Variants in GRIP2 observed in about 807,000 individuals in gnomAD.
The protein encoded by GRIP2 is glutamate receptor interacting protein 2.
GRIP2 carries 58 observed loss-of-function variants against 108.3 expected under a neutral mutation model. The ratio of observed to expected loss-of-function variants is 0.54; its 90% CI spans 0.43 to 0.67. The LOEUF is 0.67. Ranked by LOEUF, GRIP2 falls within the 30% of genes least tolerant of loss-of-function variation. The probability of loss-of-function intolerance (pLI) is 0.00; values close to 1 mark genes in which losing one functional copy is unlikely to be tolerated. For missense variants in GRIP2, 1,278 were observed against 1,430.6 expected, an observed-to-expected ratio of 0.89 and a Z score of 1.72; for synonymous variants, 586 against 598.2, an observed-to-expected ratio of 0.98 and a Z score of 0.30.
upstream of GRIP2, among the ~76,000 whole-genome samples, chr3:14,544,411 C>T (rs963243542): frequency 7.2e-5 from 11 of 152,132 alleles, no homozygotes; most frequent in African/African-American, 1.2e-4. Context: ...GCCCATGCTG[C>T]GCAGATGGGA....
At chr3:14,496,382 G>T in intron 22 of GRIP2, 35 bp downstream of exon 22, 1 of 1,561,112 alleles carries the variant, frequency 6.4e-7, no homozygotes, top group Non-Finnish European at 8.7e-7. Flanking sequence ...CCAGAACACA[G>T]GTCCAGGTCT....
chr3:14,566,801 C>A, the GRIP2 span, among the ~76,000 whole-genome samples: 2 of 152,160 alleles, frequency 1.3e-5, no homozygotes, highest in Non-Finnish European at 2.9e-5. Context: ...GAGATGCAGT[C>A]ACATGGCCAC....
At chr3:14,577,698 C>T in the GRIP2 span, among the ~76,000 whole-genome samples, 1 of 152,214 alleles carries the variant, frequency 6.6e-6, no homozygotes, top group Non-Finnish European at 1.5e-5. Flanking sequence ...CAACAGATAA[C>T]ACCCCAGGCC....
the GRIP2 span, among the ~76,000 whole-genome samples, chr3:14,568,343 C>T: frequency 6.6e-6 from 1 of 152,092 alleles, no homozygotes; most frequent in Non-Finnish European, 1.5e-5. Context: ...GGCAGCCAGT[C>T]GTGGACATGT....
At chr3:14,596,147 G>A in the GRIP2 span, among the ~76,000 whole-genome samples, 1 of 152,234 alleles carries the variant, frequency 6.6e-6, no homozygotes. Context: ...GTGAAGAAGA[G>A]GATGGGAGAG....
chr3:14,509,326 T>C (rs1694018945), intron 17 of GRIP2, among the ~76,000 whole-genome samples: 1 of 152,142 alleles, frequency 6.6e-6, no homozygotes, highest in South Asian at 2.1e-4. Flanking sequence ...GGGGGTCGGG[T>C]TCCATCTCTG....
At chr3:14,581,515 A>G in the GRIP2 span, among the ~76,000 whole-genome samples, 1 of 152,246 alleles carries the variant, frequency 6.6e-6, no homozygotes, top group Admixed American at 6.5e-5. Context: ...TCTCCAGGCC[A>G]CAGTGACTGG....
At chr3:14,574,456 A>G in the GRIP2 span, 1 of 711,238 alleles carries the variant, frequency 1.4e-6, no homozygotes, top group Non-Finnish European at 2.5e-6. Flanking sequence ...CCTCGCTCCA[A>G]AGGCAGCATC....
intron 1 of GRIP2, among the ~76,000 whole-genome samples, chr3:14,530,584 C>A (rs1575021440): frequency 6.6e-6 from 1 of 152,172 alleles, no homozygotes; most frequent in Non-Finnish European, 1.5e-5. Context: ...ATACCACTCT[C>A]ATTAAATGTA....
the GRIP2 span, among the ~76,000 whole-genome samples, chr3:14,595,819 G>A: frequency 3.9e-5 from 6 of 152,236 alleles, no homozygotes; most frequent in African/African-American, 1.2e-4. Context: ...GGTGAGGGCC[G>A]GATGTGCACA....
the GRIP2 span, among the ~76,000 whole-genome samples, chr3:14,580,264 G>A: frequency 6.6e-6 from 1 of 152,202 alleles, no homozygotes; most frequent in Non-Finnish European, 1.5e-5. Flanking sequence ...CCTCTGCTAA[G>A]GCCCCATGGC....
At chr3:14,543,755 C>CGGGAGGGG, upstream of GRIP2, among the ~76,000 whole-genome samples, 1 of 152,308 alleles carries the variant, frequency 6.6e-6, no homozygotes, top group South Asian at 2.1e-4. Flanking sequence ...CTGAGCAGCC[C>CGGGAGGGG]AGGGGAGATG....
At chr3:14,556,592 G>A (rs762869461), upstream of GRIP2, among the ~76,000 whole-genome samples, 1 of 152,232 alleles carries the variant, frequency 6.6e-6, no homozygotes, top group Non-Finnish European at 1.5e-5. Context: ...GGCCACCAGA[G>A]TAGAACGAGG....
At chr3:14,565,555 A>G in the GRIP2 span, among the ~76,000 whole-genome samples, 1 of 151,944 alleles carries the variant, frequency 6.6e-6, no homozygotes. Flanking sequence ...TCCCCAACAA[A>G]TCCCACACCC....
Position 14,503,602 on chromosome 3 carries a change from C to T in GRIP2, c.2643G>A (p.Glu881=), listed in dbSNP as rs764993974. 4 of 1,611,752 alleles carry T rather than the reference C, an allele frequency of 2.5e-6. No individual in the cohort carries two copies. Among genetic ancestry groups the T allele is most frequent in the Non-Finnish European group, 3.4e-6 (4 of 1,179,152 alleles). Reference sequence around the variant, plus strand: ...TCAGCAGCTCTGACTGACCACATGACTCCAGGTCTTCGAGAGCTTCTCCAA... The same window carrying T: ...TCAGCAGCTCTGACTGACCACATGATTCCAGGTCTTCGAGAGCTTCTCCAA... ...RMFGEALEDL[E]SCGQSELLRE... is the part of the protein sequence containing the mutation. The change falls in exon 21 of 24, where the codon GAG becomes GAA. Residue 881 remains glutamate, a synonymous_variant. Transcript: ENST00000621039.
chr3:14,512,668 GC>G lies in GRIP2; in HGVS notation c.1720+108del, dbSNP rs763327498. 26 of 1,039,028 alleles carry G rather than the reference GC, an allele frequency of 2.5e-5. No individual in the cohort carries two copies. The highest frequency in any genetic ancestry group is 3.6e-5 in the Non-Finnish European group (25 of 700,654). The allele number at this position is 1,039,028 out of a possible 1,614,324, so 64.4% of individuals were successfully genotyped here. A position where few individuals can be genotyped will look rare whatever the true frequency, so the allele number is the denominator to read the frequency against. Reference sequence around the variant, plus strand: ...CCACACCCCCAAGCCTTTTCCTCGGGCCCCGCAGGGTGTCACGCCATGGAAA... The same window carrying G: ...CCACACCCCCAAGCCTTTTCCTCGGGCCCGCAGGGTGTCACGCCATGGAAA... On this transcript the variant is annotated intron_variant, in intron 14 of 23. Transcript: ENST00000621039. This position sits in a 1 kb window ranked among gnomAD's most constrained non-coding sequence, Gnocchi z 5.1.
At chr3:14,595,420 G>C in the GRIP2 span, among the ~76,000 whole-genome samples, 13 of 152,248 alleles carry the variant, frequency 8.5e-5, no homozygotes, top group Admixed American at 2.0e-4. Context: ...ACCCATTTCA[G>C]GGACTTCCAC....
chr3:14,520,445 G>A lies in GRIP2; in HGVS notation c.805C>T (p.Arg269Trp), dbSNP rs1259666954. The change falls in exon 8 of 24, where the codon CGG becomes TGG. Residue 269 changes from arginine to tryptophan, a missense_variant. Physicochemically the swap from Arg to Trp is moderately radical, Grantham distance 101. Transcript: ENST00000621039. ...LGISLTTTSL[R>W]NKSVITIDRI... ...TCGATGGTAATGACTGACTTGTTCC[G>A]GAGGGAGGTGGTGGTGAGCGAGATC... 11 of 1,613,690 alleles carry A rather than the reference G, an allele frequency of 6.8e-6. No individual in the cohort carries two copies. The highest frequency in any genetic ancestry group is 6.7e-5 in the East Asian group (3 of 44,886).
At chr3:14,552,369 CA>C (rs1169425153) in intron 1 of GRIP2, among the ~76,000 whole-genome samples, 1 of 152,212 alleles carries the variant, frequency 6.6e-6, no homozygotes, top group East Asian at 1.9e-4. Flanking sequence ...AGGGCAAGGA[CA>C]GGGGTTTGTG....
Sources: allele counts gnomAD v4.1 joint callset (sites outside exome capture counted in the v4.1 genomes callset), GRCh38; gene constraint gnomAD v4.1.1; non-coding constraint Gnocchi (gnomAD v3.1); transcripts MANE v1.5; gene names NCBI Gene and HGNC (gene_info 2026-07-23, HGNC 2026-07-21).